Variants in SLC9A9 observed in about 807,000 individuals in gnomAD.
The protein encoded by SLC9A9 is solute carrier family 9 member A9.
Under a neutral mutation model 77.8 loss-of-function variants are expected in SLC9A9, and 62 were observed. That is an observed-to-expected ratio of 0.80 (90% confidence interval 0.65 to 0.98). The LOEUF is 0.98. SLC9A9 is among the 50% of genes least tolerant of loss of function. SLC9A9 has a pLI of 0.00. For synonymous variants in SLC9A9, 320 were observed against 283.5 expected (o/e 1.13, Z -1.29); for missense variants, 775 against 774.9 (o/e 1.00, Z 0.00).
intron 4 of SLC9A9, among the ~76,000 whole-genome samples, chr3:143,726,251 G>GAAAAAAAA (rs3055626): frequency 7.3e-6 from 1 of 136,932 alleles, no homozygotes; most frequent in Non-Finnish European, 1.5e-5. Context: ...AATAAAAAAA[G>GAAAAAAAA]AAAAAAAAAA....
chr3:143,733,893 G>A (rs574136012), intron 4 of SLC9A9, among the ~76,000 whole-genome samples: 3 of 152,142 alleles, frequency 2.0e-5, no homozygotes, highest in African/African-American at 2.4e-5. Context: ...AGGATAACTC[G>A]AATTGACTAA....
At chr3:143,530,499 C>T (rs894198701) in intron 9 of SLC9A9, among the ~76,000 whole-genome samples, 1 of 152,170 alleles carries the variant, frequency 6.6e-6, no homozygotes, top group Non-Finnish European at 1.5e-5. Flanking sequence ...CATTAAACCT[C>T]TTTTCCTTTA....
At chr3:143,423,248 T>TAC (rs377276883) in intron 12 of SLC9A9, among the ~76,000 whole-genome samples, 29,621 of 143,498 alleles carry the variant, frequency 0.21, 2,960 homozygotes, top group African/African-American at 0.24. Flanking sequence ...CACGCGCGTG[T>TAC]ACACACACAC....
chr3:143,482,619 C>A (rs2035591757), intron 11 of SLC9A9, among the ~76,000 whole-genome samples: 1 of 152,216 alleles, frequency 6.6e-6, no homozygotes, highest in African/African-American at 2.4e-5. Flanking sequence ...GTACCCAAGT[C>A]ACAGTGGTTT....
intron 5 of SLC9A9, among the ~76,000 whole-genome samples, chr3:143,664,307 C>A (rs999468339): frequency 3.3e-5 from 5 of 152,284 alleles, no homozygotes; most frequent in Middle Eastern, 3.4e-3. Flanking sequence ...ACCAAGCCTG[C>A]CTTGCAAAAC....
intron 4 of SLC9A9, among the ~76,000 whole-genome samples, chr3:143,780,883 A>G (rs553062044): frequency 6.6e-6 from 1 of 152,356 alleles, no homozygotes; most frequent in East Asian, 1.9e-4. Context: ...GAAATTGTGT[A>G]CAAAATTTAT....
At position 143,265,816 on chromosome 3, in the gene SLC9A9, G is replaced by A. The variant is rs1368094518; in HGVS notation, c.*886C>T. The A allele has an allele frequency of 1.1e-5, 6 of 569,460 alleles. No individual in the cohort carries two copies. The highest frequency in any genetic ancestry group is 9.2e-5 in the South Asian group (4 of 43,370). The allele number at this position is 569,460 out of a possible 1,614,324, so 35.3% of individuals were successfully genotyped here. On this transcript the variant is annotated 3_prime_UTR_variant, in exon 16 of 16. Transcript: ENST00000316549. ...AATGCTGGAATTGGAGGACAGGTTG[G>A]GGCTCCTGCACAGTCTGCTGCCAGG...
chr3:143,529,758 T>C (rs553264936), intron 9 of SLC9A9, among the ~76,000 whole-genome samples: 1 of 152,298 alleles, frequency 6.6e-6, no homozygotes, highest in South Asian at 2.1e-4. Context: ...TTTTATAAAG[T>C]CATTGATATG....
chr3:143,552,766 T>A (rs189158508), intron 8 of SLC9A9, among the ~76,000 whole-genome samples: 17 of 152,306 alleles, frequency 1.1e-4, no homozygotes, highest in African/African-American at 4.1e-4. Context: ...AACAAAAGAC[T>A]CCATAGCCAA....
chr3:143,563,987 A>G (rs543833240), intron 8 of SLC9A9, among the ~76,000 whole-genome samples: 87 of 152,160 alleles, frequency 5.7e-4, no homozygotes, highest in Non-Finnish European at 1.0e-3. Flanking sequence ...CTGCTGTCTT[A>G]TCGCTGACCC....
At chr3:143,844,890 T>G (rs183784791) in intron 1 of SLC9A9, among the ~76,000 whole-genome samples, 364 of 152,056 alleles carry the variant, frequency 2.4e-3, no homozygotes, top group Middle Eastern at 6.8e-3. Context: ...GTTTTGTTTC[T>G]TTTCTTCCCC....
rs540042700 is a variant in SLC9A9, at chr3:143,396,363, G to A, written c.1470-14249C>T. Among the ~76,000 whole-genome samples, 44 of 152,194 alleles carry A rather than the reference G, an allele frequency of 2.9e-4. No individual in the cohort carries two copies. In the South Asian group the frequency reaches 4.8e-3, roughly 17 times the overall value. On this transcript the variant is annotated intron_variant, in intron 12 of 15. Transcript: ENST00000316549. Reference sequence around the variant, plus strand: ...TCGCAAGGATAAAAAACCAAACACCGCATGTTCTCACTCATAGGTGGGAAT... The same window carrying A: ...TCGCAAGGATAAAAAACCAAACACCACATGTTCTCACTCATAGGTGGGAAT...
intron 6 of SLC9A9, chr3:143,627,633 G>C (rs547430590): frequency 2.7e-5 from 8 of 297,864 alleles, no homozygotes; most frequent in Non-Finnish European, 4.5e-5. Flanking sequence ...GATCCCAAAG[G>C]ACTGTGCTGT....
chr3:143,586,020 C>T (rs1398946372), intron 6 of SLC9A9, among the ~76,000 whole-genome samples: 1 of 152,212 alleles, frequency 6.6e-6, no homozygotes, highest in Non-Finnish European at 1.5e-5. Context: ...TTCCCCTTGG[C>T]TTAGGGAAGA....
chr3:143,399,411 G>A (rs1464317337), intron 12 of SLC9A9, among the ~76,000 whole-genome samples: 1 of 152,132 alleles, frequency 6.6e-6, no homozygotes, highest in Admixed American at 6.5e-5. Context: ...TTTAAAAGGG[G>A]AAGAATTCAT....
At chr3:143,446,228 G>C (rs1054351358) in intron 12 of SLC9A9, among the ~76,000 whole-genome samples, 1 of 151,996 alleles carries the variant, frequency 6.6e-6, no homozygotes, top group African/African-American at 2.4e-5. Flanking sequence ...CAAGTAGAAG[G>C]GGGGGCCCTA....
chr3:143,403,463 C>A (rs896683274), intron 12 of SLC9A9, among the ~76,000 whole-genome samples: 6 of 149,790 alleles, frequency 4.0e-5, no homozygotes, highest in Non-Finnish European at 8.9e-5. Context: ...TTTTTTTCCA[C>A]GTGGATTTGA....
chr3:143,679,224 A>G (rs966655615), intron 5 of SLC9A9, among the ~76,000 whole-genome samples: 3 of 152,242 alleles, frequency 2.0e-5, no homozygotes, highest in African/African-American at 7.2e-5. Context: ...TGCCACACAA[A>G]GCATGCACAA....
intron 6 of SLC9A9, among the ~76,000 whole-genome samples, chr3:143,623,878 AAAG>A (rs1363513336): frequency 2.0e-5 from 3 of 152,236 alleles, no homozygotes; most frequent in African/African-American, 7.2e-5. Flanking sequence ...TAAGACTAAT[AAAG>A]AAGAAAAGAG....
Sources: allele counts gnomAD v4.1 joint callset (sites outside exome capture counted in the v4.1 genomes callset), GRCh38; gene constraint gnomAD v4.1.1; transcripts MANE v1.5; gene names NCBI Gene and HGNC (gene_info 2026-07-23, HGNC 2026-07-21).